ANK2: variants seen among roughly 807,000 people sequenced by gnomAD.
The protein encoded by ANK2 is ankyrin 2.
In ANK2, 83 loss-of-function variants were observed where a neutral mutation model predicts 360.5. The ratio of observed to expected loss-of-function variants is 0.23; its 90% CI spans 0.19 to 0.28. The LOEUF (loss-of-function observed/expected upper bound fraction) is 0.28. ANK2 is among the 10% of genes least tolerant of loss of function. The pLI is 1.00. For missense variants in ANK2, 4,201 were observed against 4,795.7 expected (o/e 0.88, Z 3.66); for synonymous variants, 1,740 against 1,759.5 (o/e 0.99, Z 0.28).
chr4:113,311,004 A>C (rs1470654988), intron 23 of ANK2, among the ~76,000 whole-genome samples: 1 of 152,232 alleles, frequency 6.6e-6, no homozygotes, highest in Non-Finnish European at 1.5e-5. Context: ...GGGATATCCA[A>C]ACTTAATATT....
chr4:113,349,157 T>A (rs916828147), intron 36 of ANK2, among the ~76,000 whole-genome samples: 1 of 152,188 alleles, frequency 6.6e-6, no homozygotes, highest in African/African-American at 2.4e-5. Flanking sequence ...TTAGAGAGGT[T>A]ACCTTGAATA....
intron 22 of ANK2, 86 bp from the exon 23 acceptor site, chr4:113,302,681 G>A (rs1191236849): frequency 9.7e-7 from 1 of 1,035,988 alleles, no homozygotes. Flanking sequence ...TGCTGCTGCT[G>A]TTGAGTGTGG....
chr4:112,966,270 T>G (rs1054280065), intron 2 of ANK2, among the ~76,000 whole-genome samples: 2 of 151,622 alleles, frequency 1.3e-5, no homozygotes, highest in African/African-American at 4.8e-5. Flanking sequence ...TATATCTCAT[T>G]AAAAAATTGA....
chr4:113,152,644 T>C (rs957100774), intron 1 of ANK2, among the ~76,000 whole-genome samples: 1 of 152,116 alleles, frequency 6.6e-6, no homozygotes, highest in Non-Finnish European at 1.5e-5. Flanking sequence ...ATAAGAAGTA[T>C]ACGTGTAATT....
chr4:112,748,208 C>A, the ANK2 span, among the ~76,000 whole-genome samples: 1 of 152,146 alleles, frequency 6.6e-6, no homozygotes, highest in Non-Finnish European at 1.5e-5. Context: ...AACTGAACAC[C>A]ACCAAATGTG....
At chr4:112,950,951 G>T (rs537578481) in intron 2 of ANK2, among the ~76,000 whole-genome samples, 2 of 149,544 alleles carry the variant, frequency 1.3e-5, no homozygotes, top group Non-Finnish European at 3.0e-5. Flanking sequence ...GCGTAGTGGC[G>T]GGCGCCTGTA....
intron 2 of ANK2, among the ~76,000 whole-genome samples, chr4:113,178,078 G>A (rs924301172): frequency 4.0e-5 from 6 of 151,842 alleles, no homozygotes; most frequent in South Asian, 2.1e-4. Context: ...TCCCTGACTC[G>A]CCAGGTATAA....
At chr4:112,934,436 G>A (rs1283686733) in intron 2 of ANK2, among the ~76,000 whole-genome samples, 1 of 152,028 alleles carries the variant, frequency 6.6e-6, no homozygotes, top group Non-Finnish European at 1.5e-5. Context: ...TTACTCTCTC[G>A]ACATTCTTTT....
chr4:113,272,080 T>C (rs1248540382), intron 14 of ANK2, among the ~76,000 whole-genome samples: 1 of 152,256 alleles, frequency 6.6e-6, no homozygotes, highest in African/African-American at 2.4e-5. Flanking sequence ...TTTAGAACTT[T>C]AGTTAGATAC....
chr4:112,950,341 A>G (rs1328652413), intron 2 of ANK2, among the ~76,000 whole-genome samples: 1 of 152,228 alleles, frequency 6.6e-6, no homozygotes, highest in Non-Finnish European at 1.5e-5. Context: ...TTCCTATTGT[A>G]TTAAGAAAGG....
intron 2 of ANK2, among the ~76,000 whole-genome samples, chr4:112,950,996 G>A (rs2094929803): frequency 6.8e-6 from 1 of 146,972 alleles, no homozygotes; most frequent in Non-Finnish European, 1.5e-5. Flanking sequence ...GCAGGAGAAT[G>A]GCGTGAACCC....
chr4:113,071,662 C>T (rs2077590793), intron 1 of ANK2, among the ~76,000 whole-genome samples: 1 of 152,146 alleles, frequency 6.6e-6, no homozygotes, highest in African/African-American at 2.4e-5. Context: ...TCTGGCCAGG[C>T]TTAGTGGTAC....
chr4:112,766,831 A>G, the ANK2 span, among the ~76,000 whole-genome samples: 1 of 152,158 alleles, frequency 6.6e-6, no homozygotes, highest in East Asian at 1.9e-4. Context: ...CACCCAAGAC[A>G]GGAATTGAGT....
In ANK2 at chr4:113,242,107, G is replaced by A. The variant is rs1585818750; in HGVS notation, c.793-4G>A. The A allele has an allele frequency of 6.2e-7, 1 of 1,611,860 alleles. No individual in the cohort carries two copies. Among genetic ancestry groups the A allele is most frequent in the Non-Finnish European group, 8.5e-7 (1 of 1,178,030 alleles). On this transcript the variant is annotated splice_polypyrimidine_tract_variant and splice_region_variant and intron_variant, in intron 8 of 45. Coordinates refer to ENST00000357077, the MANE Select transcript of ANK2 (RefSeq NM_001148.6). ...AGCTCTTGTTTGGTCTTTCTGTGGTGTAGAATGGAATCACTCCTCTGCATG... is the reference window on the plus strand; with the variant it reads ...AGCTCTTGTTTGGTCTTTCTGTGGTATAGAATGGAATCACTCCTCTGCATG...
intron 45 of ANK2, among the ~76,000 whole-genome samples, chr4:113,375,674 G>A (rs1053409001): frequency 3.3e-5 from 5 of 150,168 alleles, no homozygotes; most frequent in Non-Finnish European, 5.9e-5. Flanking sequence ...GCAGTGAGCC[G>A]AGATTGCACC....
intron 2 of ANK2, among the ~76,000 whole-genome samples, chr4:112,920,658 A>G (rs1393154590): frequency 6.6e-6 from 1 of 152,234 alleles, no homozygotes; most frequent in African/African-American, 2.4e-5. Flanking sequence ...TTACCATATT[A>G]GTTATAAATA....
At chr4:112,707,819 C>T in the ANK2 span, among the ~76,000 whole-genome samples, 1 of 151,986 alleles carries the variant, frequency 6.6e-6, no homozygotes, top group Non-Finnish European at 1.5e-5. Flanking sequence ...AAAAAATGTG[C>T]GTGGAAGGTC....
the ANK2 span, chr4:112,797,636 T>G: frequency 1.8e-5 from 3 of 163,974 alleles, no homozygotes; most frequent in Non-Finnish European, 4.2e-5. Context: ...GGTAATATCA[T>G]CAATATCACA....
chr4:113,149,717 A>T (rs2154394619), intron 1 of ANK2, among the ~76,000 whole-genome samples: 2 of 151,764 alleles, frequency 1.3e-5, no homozygotes, highest in South Asian at 4.2e-4. Context: ...TCTACAAAAA[A>T]ATACAAAAAT....
Sources: allele counts gnomAD v4.1 joint callset (sites outside exome capture counted in the v4.1 genomes callset), GRCh38; gene constraint gnomAD v4.1.1; transcripts MANE v1.5; gene names NCBI Gene and HGNC (gene_info 2026-07-23, HGNC 2026-07-21).